ABLIM1: variants seen among roughly 807,000 people sequenced by gnomAD.
ABLIM1 encodes actin binding LIM protein 1.
In ABLIM1, 40 loss-of-function variants were observed where a neutral mutation model predicts 107.0. The ratio of observed to expected loss-of-function variants is 0.37; its 90% CI spans 0.29 to 0.49. The LOEUF (loss-of-function observed/expected upper bound fraction) is 0.49. ABLIM1 is among the 20% of genes least tolerant of loss of function. The pLI, the probability that ABLIM1 is intolerant of heterozygous loss-of-function variation, is 0.97. For missense variants in ABLIM1, 857 were observed against 1,008.5 expected, an observed-to-expected ratio of 0.85 and a Z score of 2.04; for synonymous variants, 357 against 357.3, an observed-to-expected ratio of 1.00 and a Z score of 0.01.
the ABLIM1 span, among the ~76,000 whole-genome samples, chr10:114,788,911 A>G: frequency 6.6e-6 from 1 of 152,204 alleles, no homozygotes; most frequent in Admixed American, 6.5e-5. Context: ...CTGAAATTCA[A>G]ATTTAACTGG....
chr10:114,767,990 GCC>G, intron 1 of ABLIM1: 2 of 411,122 alleles, frequency 4.9e-6, no homozygotes, highest in Non-Finnish European at 4.9e-6. Context: ...GGCTGTCGCA[GCC>G]CCCCCGCCCT....
intron 1 of ABLIM1, among the ~76,000 whole-genome samples, chr10:114,655,184 G>T (rs984601502): frequency 1.3e-5 from 2 of 152,164 alleles, no homozygotes; most frequent in Admixed American, 1.3e-4. Context: ...GAAGAGCTGG[G>T]AGTCAAATTC....
At chr10:114,468,121 GA>G in intron 11 of ABLIM1, 59 bp downstream of exon 11, 8 of 1,459,986 alleles carry the variant, frequency 5.5e-6, no homozygotes, top group Non-Finnish European at 7.7e-6. Flanking sequence ...CCAGTCTAGG[GA>G]AGGGCCAAGC....
intron 1 of ABLIM1, among the ~76,000 whole-genome samples, chr10:114,743,385 G>A (rs557273764): frequency 6.6e-6 from 1 of 152,262 alleles, no homozygotes; most frequent in East Asian, 1.9e-4. Flanking sequence ...AAGGTCACTA[G>A]TAGAACCACT....
At chr10:114,749,133 G>A (rs1158587626) in intron 1 of ABLIM1, among the ~76,000 whole-genome samples, 1 of 152,056 alleles carries the variant, frequency 6.6e-6, no homozygotes, top group Non-Finnish European at 1.5e-5. Context: ...ATGATTTATG[G>A]TCAGACACCT....
At position 114,441,007 on chromosome 10, in the gene ABLIM1, G is replaced by C. The variant is rs966791224; in HGVS notation, c.2059+10C>G. ...CGTGGCCATGCTCAGCCTGGCCATG[G>C]GAGCCTCACCTCGCACTCCCCCGCT... On this transcript the variant is annotated intron_variant, in intron 19 of 22. Coordinates refer to ENST00000533213, the MANE Select transcript of ABLIM1 (RefSeq NM_002313.7). 1 of 1,583,256 alleles carries C rather than the reference G, an allele frequency of 6.3e-7. No individual in the cohort carries two copies. Among genetic ancestry groups the C allele is most frequent in the African/African-American group, 1.3e-5 (1 of 74,440 alleles).
chr10:114,584,319 T>C (rs1471020979), intron 2 of ABLIM1, among the ~76,000 whole-genome samples: 1 of 152,080 alleles, frequency 6.6e-6, no homozygotes, highest in East Asian at 1.9e-4. Context: ...TCTGCCTCTG[T>C]CCCCCAACTA....
chr10:114,731,708 C>G (rs2082077760), intron 1 of ABLIM1, among the ~76,000 whole-genome samples: 1 of 152,126 alleles, frequency 6.6e-6, no homozygotes, highest in Admixed American at 6.5e-5. Flanking sequence ...CTCCTAGGTT[C>G]AAGCGATTCT....
chr10:114,698,981 A>G (rs2081251745), intron 1 of ABLIM1, among the ~76,000 whole-genome samples: 1 of 152,046 alleles, frequency 6.6e-6, no homozygotes, highest in Admixed American at 6.6e-5. Flanking sequence ...GAAGCCAGTG[A>G]GTCCAAATTA....
intron 2 of ABLIM1, among the ~76,000 whole-genome samples, chr10:114,598,419 T>A (rs1260757570): frequency 2.0e-5 from 3 of 151,046 alleles, no homozygotes. Flanking sequence ...AACTCGTCTC[T>A]ACTTAAAAAA....
chr10:114,628,152 C>T (rs900701858), intron 1 of ABLIM1, among the ~76,000 whole-genome samples: 22 of 152,032 alleles, frequency 1.4e-4, no homozygotes, highest in Non-Finnish European at 2.8e-4. Context: ...TTGTTCACAT[C>T]TGTCACCCTC....
chr10:114,467,695 T>G (rs4457666), intron 11 of ABLIM1, among the ~76,000 whole-genome samples: 8,348 of 152,234 alleles, frequency 0.055, 567 homozygotes, highest in East Asian at 0.35. Context: ...ATTACAGAGA[T>G]TCCCTAAAAG....
At chr10:114,662,482 C>A (rs2079836304), upstream of ABLIM1, among the ~76,000 whole-genome samples, 1 of 152,132 alleles carries the variant, frequency 6.6e-6, no homozygotes, top group East Asian at 1.9e-4. Context: ...TTCAGTCCTT[C>A]TGCATGGTCA....
intron 1 of ABLIM1, among the ~76,000 whole-genome samples, chr10:114,695,975 CT>C (rs1203752668): frequency 6.6e-6 from 1 of 152,230 alleles, no homozygotes; most frequent in Non-Finnish European, 1.5e-5. Context: ...CATGACATTA[CT>C]TCTGCATGCC....
Position 114,707,824 on chromosome 10 carries a change from A to G in ABLIM1, c.-213+60237T>C, listed in dbSNP as rs1233636092. Among the ~76,000 whole-genome samples the G allele has an allele frequency of 1.3e-5, 2 of 151,980 alleles. No homozygotes were observed. Among genetic ancestry groups the G allele is most frequent in the Admixed American group, 6.6e-5 (1 of 15,252 alleles). ...GCTGAGGCAGGAGAATCACTTGAAC[A>G]TGGGAGACAGAGGTTGCAGTGAGCG... On this transcript the variant is annotated intron_variant, in intron 1 of 15. Transcript: ENST00000651092. This position sits in a 1 kb window ranked among gnomAD's most constrained non-coding sequence, Gnocchi z 4.1.
At chr10:114,452,442 G>A (rs2062054286) in intron 13 of ABLIM1, among the ~76,000 whole-genome samples, 1 of 151,972 alleles carries the variant, frequency 6.6e-6, no homozygotes, top group African/African-American at 2.4e-5. Context: ...TAATTTTCAA[G>A]ATTCAATTAA....
the ABLIM1 span, among the ~76,000 whole-genome samples, chr10:114,789,634 G>T: frequency 1.3e-5 from 2 of 152,098 alleles, no homozygotes; most frequent in Non-Finnish European, 2.9e-5. Flanking sequence ...GTGTGAGACG[G>T]TATCTCATTG....
chr10:114,616,670 C>A (rs1368551440), intron 1 of ABLIM1, among the ~76,000 whole-genome samples: 1 of 152,198 alleles, frequency 6.6e-6, no homozygotes, highest in Non-Finnish European at 1.5e-5. Context: ...ACTCAGCTAT[C>A]TCAGCTCTAC....
the ABLIM1 span, among the ~76,000 whole-genome samples, chr10:114,777,073 G>T: frequency 2.7e-3 from 406 of 151,878 alleles, 1 homozygote; most frequent in African/African-American, 9.4e-3. Context: ...TTATAAATAT[G>T]TTAGACTGCT....
Sources: gnomAD v4.1 joint callset for allele counts (sites outside exome capture counted in the v4.1 genomes callset) on GRCh38, gnomAD v4.1.1 for gene constraint, Gnocchi (gnomAD v3.1) non-coding constraint, MANE v1.5 for transcripts, NCBI Gene and HGNC (gene_info 2026-07-23, HGNC 2026-07-21) for gene names.